Variants in ARHGEF2 observed in about 807,000 individuals in gnomAD.
The protein encoded by ARHGEF2 is rho guanine nucleotide exchange factor 2.
In ARHGEF2, 22 loss-of-function variants were observed where a neutral mutation model predicts 121.0. The ratio of observed to expected loss-of-function variants is 0.18; its 90% confidence interval spans 0.13 to 0.26. The LOEUF (loss-of-function observed/expected upper bound fraction) is 0.26, where lower values mean the gene tolerates loss of function less well. Ranked by LOEUF, ARHGEF2 falls within the 10% of genes least tolerant of loss-of-function variation. ARHGEF2 has a pLI of 1.00. For missense variants in ARHGEF2, 907 were observed against 1,336.0 expected, an observed-to-expected ratio of 0.68 and a Z score of 5.01; for synonymous variants, 487 against 530.0, an observed-to-expected ratio of 0.92 and a Z score of 1.11.
At chr1:155,949,304 G>A (rs952977361) in intron 21 of ARHGEF2, among the ~76,000 whole-genome samples, 8 of 149,094 alleles carry the variant, frequency 5.4e-5, no homozygotes, top group South Asian at 2.1e-4. Context: ...AAAATAGACC[G>A]GGTGCAGTGG....
Position 155,978,009 on chromosome 1 carries a change from G to A in ARHGEF2, c.63+356C>T, listed in dbSNP as rs560190646. ...GCCCGGGGTGAGAGGAGGTGCCGGAGCTTCCACCGCCCCCACCCGCGAGAC... is the reference window on the plus strand; with the variant it reads ...GCCCGGGGTGAGAGGAGGTGCCGGAACTTCCACCGCCCCCACCCGCGAGAC... On this transcript the variant is annotated intron_variant, in intron 1 of 21. Coordinates refer to ENST00000361247, the MANE Select transcript of ARHGEF2 (RefSeq NM_001162383.2). This position sits in a 1 kb window ranked among gnomAD's most constrained non-coding sequence, Gnocchi z 4.1. The A allele has an allele frequency of 3.5e-3, 3,334 of 939,260 alleles. 16 individuals are homozygous for A. Among genetic ancestry groups the A allele is most frequent in the Non-Finnish European group, 4.0e-3 (3,094 of 772,248 alleles). 58.2% of individuals were successfully genotyped at this position (939,260 alleles called of 1,614,324 possible). A position where few individuals can be genotyped will look rare whatever the true frequency, so the allele number is the denominator to read the frequency against.
chr1:155,972,389 C>T (rs1680633707), intron 1 of ARHGEF2: 1 of 440,656 alleles, frequency 2.3e-6, no homozygotes, highest in African/African-American at 2.0e-5. Flanking sequence ...CGGAGGTTGC[C>T]TGTGCCCGCC....
intron 21 of ARHGEF2, 29 bp from the exon 22 acceptor site, chr1:155,948,044 G>A: frequency 6.5e-7 from 1 of 1,536,434 alleles, no homozygotes; most frequent in Non-Finnish European, 8.8e-7. Flanking sequence ...AAGCCAGTGA[G>A]TTAGCAGAGA....
chr1:155,970,616 A>G, intron 1 of ARHGEF2: 1 of 985,364 alleles, frequency 1.0e-6, no homozygotes, highest in South Asian at 4.7e-5. Flanking sequence ...AGCGGGAAGC[A>G]CTCAGCCCGG....
chr1:155,963,775 G>A (rs927882521), intron 7 of ARHGEF2, among the ~76,000 whole-genome samples: 1 of 151,780 alleles, frequency 6.6e-6, no homozygotes, highest in African/African-American at 2.4e-5. Context: ...GGGCTCAAGC[G>A]ATCCTCCTGT....
At chr1:155,971,107 A>T in intron 1 of ARHGEF2, 18 of 985,660 alleles carry the variant, frequency 1.8e-5, no homozygotes, top group Non-Finnish European at 2.2e-5. Context: ...ACGCAGGCCA[A>T]CTGCTCCTCT....
intron 11 of ARHGEF2, among the ~76,000 whole-genome samples, chr1:155,958,830 C>T (rs550485475): frequency 3.4e-5 from 5 of 148,120 alleles, no homozygotes; most frequent in Admixed American, 6.9e-5. Context: ...CCACCAGTTT[C>T]GGCCTCCCAA....
At chr1:155,964,172 A>ATATATATATATG (rs1405397349) in intron 7 of ARHGEF2, among the ~76,000 whole-genome samples, 1 of 67,008 alleles carries the variant, frequency 1.5e-5, no homozygotes, top group African/African-American at 9.3e-5. Context: ...AAAAAAATAT[A>ATATATATATATG]TATATATATA....
chr1:155,952,597 A>G, intron 15 of ARHGEF2, 31 bp downstream of exon 15: 1 of 1,591,998 alleles, frequency 6.3e-7, no homozygotes, highest in Non-Finnish European at 8.6e-7. Context: ...TGAGTGCTTG[A>G]GCCTGGACTC....
At chr1:155,964,176 A>ATATG (rs1553244944) in intron 7 of ARHGEF2, among the ~76,000 whole-genome samples, 107 of 95,370 alleles carry the variant, frequency 1.1e-3, no homozygotes, top group African/African-American at 4.6e-3. Flanking sequence ...AAATATATAT[A>ATATG]TATATATATA....
intron 21 of ARHGEF2, among the ~76,000 whole-genome samples, chr1:155,948,688 C>G (rs1674788584): frequency 6.6e-6 from 1 of 152,106 alleles, no homozygotes. Context: ...GTGGTATGTA[C>G]CTGTAGCCCC....
intron 1 of ARHGEF2, among the ~76,000 whole-genome samples, chr1:155,973,879 A>T (rs543277846): frequency 6.6e-6 from 1 of 152,190 alleles, no homozygotes; most frequent in East Asian, 1.9e-4. Flanking sequence ...AGAATAAGGG[A>T]TGAGGAAACA....
chr1:155,966,277 G>C (rs1321457478), intron 4 of ARHGEF2, 139 bp downstream of exon 4: 5 of 805,162 alleles, frequency 6.2e-6, no homozygotes, highest in Non-Finnish European at 1.0e-5. Context: ...CCCTCCCTTA[G>C]GCCCCCACTA....
chr1:155,949,161 G>A (rs1224901192), intron 21 of ARHGEF2, among the ~76,000 whole-genome samples: 2 of 151,878 alleles, frequency 1.3e-5, no homozygotes, highest in African/African-American at 4.8e-5. Flanking sequence ...GCTGAGGCAG[G>A]AGAATCACTT....
chr1:155,971,808 G>A lies in ARHGEF2; in HGVS notation c.64-2508C>T, dbSNP rs183503451. The stretch of plus-strand genomic sequence containing the variant: ...CACACCTGTAATCCCAGCACTTTGC[G>A]GGGCTGAGGTGGGAGGATCGCTTGA... On this transcript the variant is annotated intron_variant, in intron 1 of 21. Coordinates refer to ENST00000361247, the MANE Select transcript of ARHGEF2 (RefSeq NM_001162383.2). 7.6e-4 allele frequency among the ~76,000 whole-genome samples: 115 copies of A among 151,816 alleles called. 1 individual carries two copies. Among genetic ancestry groups the A allele is most frequent in the Middle Eastern group, 3.4e-3 (1 of 290 alleles).
At position 155,962,613 on chromosome 1, in the gene ARHGEF2, G is replaced by GT; in HGVS notation, c.1080dup (p.Arg361ThrfsTer187). The GT allele has an allele frequency of 6.2e-7, 1 of 1,614,054 alleles. No homozygotes were observed. Among genetic ancestry groups the GT allele is most frequent in the Non-Finnish European group, 8.5e-7 (1 of 1,180,014 alleles). On this transcript the variant is annotated frameshift_variant, in exon 9 of 22. Transcript: ENST00000361247. LOFTEE classifies it high-confidence loss of function. The surrounding 1 kb of genome is among the most constrained non-coding windows in gnomAD (Gnocchi z 5.8). ...CTCACCCGGATGAATTGCTGGAAGC[G>GT]TTTGTCTCGGGCGTACAGCTCCTTA...
Position 155,978,487 on chromosome 1 carries a change from G to A in ARHGEF2, c.-60C>T. 1 of 1,370,602 alleles carries A rather than the reference G, an allele frequency of 7.3e-7. No homozygotes were observed. The highest frequency in any genetic ancestry group is 9.6e-7 in the Non-Finnish European group (1 of 1,044,374). The allele number at this position is 1,370,602 out of a possible 1,614,324, so 84.9% of individuals were successfully genotyped here. ...GACCCCGGCGTCCTGTATTGTTGGGGGAAGGCGGGGGGAGGGGTTCGGCCC... is the reference window on the plus strand; with the variant it reads ...GACCCCGGCGTCCTGTATTGTTGGGAGAAGGCGGGGGGAGGGGTTCGGCCC... On this transcript the variant is annotated 5_prime_UTR_variant, in exon 1 of 22. Coordinates refer to ENST00000361247, the MANE Select transcript of ARHGEF2 (RefSeq NM_001162383.2). This position sits in a 1 kb window ranked among gnomAD's most constrained non-coding sequence, Gnocchi z 4.1.
intron 1 of ARHGEF2, chr1:155,970,503 C>G (rs1375703713): frequency 1.0e-6 from 1 of 985,402 alleles, no homozygotes; most frequent in Admixed American, 6.1e-5. Flanking sequence ...CCACTCCCTC[C>G]AAGGTTTCCC....
chr1:155,967,991 C>T (rs927378563), intron 2 of ARHGEF2, among the ~76,000 whole-genome samples: 22 of 151,828 alleles, frequency 1.4e-4, no homozygotes, highest in African/African-American at 5.3e-4. Flanking sequence ...CTCCTACCCC[C>T]AACACTCAGT....
Sources: gnomAD v4.1 joint callset for allele counts (sites outside exome capture counted in the v4.1 genomes callset) on GRCh38, gnomAD v4.1.1 for gene constraint, Gnocchi (gnomAD v3.1) non-coding constraint, MANE v1.5 for transcripts, NCBI Gene and HGNC (gene_info 2026-07-23, HGNC 2026-07-21) for gene names.